Variants in SGCZ observed in about 807,000 individuals in gnomAD.
SGCZ encodes the protein zeta-sarcoglycan.
Under a neutral mutation model 41.3 loss-of-function variants are expected in SGCZ, and 40 were observed. The observed-to-expected ratio is 0.97, with a 90% confidence interval of 0.75 to 1.26. SGCZ has a LOEUF of 1.26. Among genes scored for constraint, SGCZ ranks in the 50% most tolerant of loss-of-function variants. The pLI, the probability that SGCZ is intolerant of heterozygous loss-of-function variation, is 0.00. For missense variants in SGCZ, 552 were observed against 369.8 expected (o/e 1.49, Z -4.04); for synonymous variants, 206 against 137.5 (o/e 1.50, Z -3.49).
At chr8:14,909,526 C>T (rs765663412) in intron 1 of SGCZ, among the ~76,000 whole-genome samples, 2 of 151,982 alleles carry the variant, frequency 1.3e-5, no homozygotes, top group African/African-American at 4.8e-5. Context: ...GCTAACCATT[C>T]CCAAGTCTTA....
intron 1 of SGCZ, among the ~76,000 whole-genome samples, chr8:14,719,031 G>A (rs1809794471): frequency 8.3e-6 from 1 of 120,014 alleles, no homozygotes; most frequent in Admixed American, 1.2e-4. Context: ...AGTCCCCAGA[G>A]TGTGATGTTC....
At chr8:14,717,318 ACC>A (rs1189707698) in intron 1 of SGCZ, among the ~76,000 whole-genome samples, 1 of 152,164 alleles carries the variant, frequency 6.6e-6, no homozygotes, top group East Asian at 1.9e-4. Context: ...AAGGTACAAT[ACC>A]AGGAAGCCAT....
chr8:14,389,904 T>A (rs1193847691), intron 2 of SGCZ, among the ~76,000 whole-genome samples: 5 of 152,010 alleles, frequency 3.3e-5, no homozygotes, highest in African/African-American at 1.2e-4. Context: ...ACCAAGGGTA[T>A]CAGAACTTCT....
intron 2 of SGCZ, among the ~76,000 whole-genome samples, chr8:14,437,150 A>G (rs1396858222): frequency 6.6e-6 from 1 of 152,192 alleles, no homozygotes; most frequent in Non-Finnish European, 1.5e-5. Flanking sequence ...GAACACTGAT[A>G]TTTACAAAAT....
At position 14,837,736 on chromosome 8, in the gene SGCZ, GT is replaced by G. The variant is rs528766577; in HGVS notation, c.40-282811del. On this transcript the variant is annotated intron_variant, in intron 1 of 7. Coordinates refer to ENST00000382080, the MANE Select transcript of SGCZ (RefSeq NM_139167.4). Reference sequence around the variant, plus strand: ...ATTTCTGTATATTACAATGGGATGGGTTTTTTTGTGAAGAATCGTACTTAGA... The same window carrying G: ...ATTTCTGTATATTACAATGGGATGGGTTTTTTGTGAAGAATCGTACTTAGA... Among the ~76,000 whole-genome samples, 1,043 of 152,080 alleles carry G rather than the reference GT, an allele frequency of 6.9e-3. 6 individuals are homozygous for G. Among genetic ancestry groups the G allele is most frequent in the Middle Eastern group, 0.031 (9 of 294 alleles).
At chr8:14,393,770 G>A (rs1004016058) in intron 2 of SGCZ, among the ~76,000 whole-genome samples, 1 of 152,170 alleles carries the variant, frequency 6.6e-6, no homozygotes, top group African/African-American at 2.4e-5. Context: ...CAACCCAGCC[G>A]CTTCAATATC....
chr8:14,577,982 A>G (rs1804767286), intron 1 of SGCZ, among the ~76,000 whole-genome samples: 1 of 152,198 alleles, frequency 6.6e-6, no homozygotes, highest in Admixed American at 6.5e-5. Flanking sequence ...CTTGATATGC[A>G]CTGCAATTAA....
At chr8:14,778,895 C>T (rs117331579) in intron 1 of SGCZ, among the ~76,000 whole-genome samples, 2,063 of 152,224 alleles carry the variant, frequency 0.014, 20 homozygotes, top group Non-Finnish European at 0.018. Flanking sequence ...TATCGCCATT[C>T]GTGAAAACAC....
intron 2 of SGCZ, among the ~76,000 whole-genome samples, chr8:14,365,931 T>G (rs542782476): frequency 1.0e-3 from 156 of 152,244 alleles, no homozygotes; most frequent in African/African-American, 3.6e-3. Flanking sequence ...ATACTGAAAA[T>G]ATGTTATCAA....
intron 3 of SGCZ, among the ~76,000 whole-genome samples, chr8:14,275,548 T>C (rs1005357214): frequency 6.6e-6 from 1 of 152,118 alleles, no homozygotes; most frequent in African/African-American, 2.4e-5. Context: ...TTCTCTGCCA[T>C]GTCAGATGTG....
intron 2 of SGCZ, among the ~76,000 whole-genome samples, chr8:14,427,015 C>A (rs1382358520): frequency 6.7e-6 from 1 of 148,302 alleles, no homozygotes; most frequent in Non-Finnish European, 1.5e-5. Flanking sequence ...AGCCTGTTTG[C>A]AGCCCAGTAA....
At chr8:14,173,924 C>T (rs932001783) in intron 4 of SGCZ, among the ~76,000 whole-genome samples, 1 of 152,024 alleles carries the variant, frequency 6.6e-6, no homozygotes, top group Non-Finnish European at 1.5e-5. Flanking sequence ...TGCTAACATA[C>T]ATGACTGCAA....
intron 4 of SGCZ, among the ~76,000 whole-genome samples, chr8:14,220,927 A>C (rs1442593581): frequency 6.6e-6 from 1 of 152,200 alleles, no homozygotes. Flanking sequence ...GGAAGTAACC[A>C]TGTTGTCATT....
chr8:14,551,323 C>G (rs1291855529), intron 2 of SGCZ, among the ~76,000 whole-genome samples: 1 of 141,586 alleles, frequency 7.1e-6, no homozygotes. Flanking sequence ...ACCTGCTAGA[C>G]TAGTCTATTA....
intron 4 of SGCZ, among the ~76,000 whole-genome samples, chr8:14,192,096 C>T (rs1014617828): frequency 1.3e-5 from 2 of 151,862 alleles, no homozygotes; most frequent in Non-Finnish European, 2.9e-5. Flanking sequence ...AATCAAAGCA[C>T]ATATATATAA....
At chr8:14,861,759 T>C (rs994896844) in intron 1 of SGCZ, among the ~76,000 whole-genome samples, 1 of 152,024 alleles carries the variant, frequency 6.6e-6, no homozygotes, top group Admixed American at 6.6e-5. Flanking sequence ...GACTTGCACG[T>C]GGTGTTGCTA....
At chr8:14,926,687 C>A (rs1563368318) in intron 1 of SGCZ, among the ~76,000 whole-genome samples, 1 of 151,986 alleles carries the variant, frequency 6.6e-6, no homozygotes, top group African/African-American at 2.4e-5. Context: ...TGTTGCCAGA[C>A]TGGAGTGCAG....
At chr8:14,873,865 T>C (rs796711010) in intron 1 of SGCZ, among the ~76,000 whole-genome samples, 48 of 152,340 alleles carry the variant, frequency 3.2e-4, no homozygotes, top group African/African-American at 1.0e-3. Flanking sequence ...TTGATTTCTC[T>C]AAATTATTTG....
intron 1 of SGCZ, among the ~76,000 whole-genome samples, chr8:14,880,452 G>C (rs889345949): frequency 2.0e-5 from 3 of 152,004 alleles, no homozygotes; most frequent in Non-Finnish European, 2.9e-5. Context: ...CCCATTACTG[G>C]GTATATACCC....
Sources: gnomAD v4.1 joint callset for allele counts (sites outside exome capture counted in the v4.1 genomes callset) on GRCh38, gnomAD v4.1.1 for gene constraint, MANE v1.5 for transcripts, NCBI Gene and HGNC (gene_info 2026-07-23, HGNC 2026-07-21) for gene names.